ESCO2: variants seen among roughly 807,000 people sequenced by gnomAD.
The protein encoded by ESCO2 is establishment of sister chromatid cohesion N-acetyltransferase 2, also known as N-acetyltransferase ESCO2.
In ESCO2, 51 loss-of-function variants were observed where a neutral mutation model predicts 61.7. That is an observed-to-expected ratio of 0.83 (90% confidence interval 0.66 to 1.04). ESCO2 has a LOEUF of 1.04. ESCO2 is among the 50% of genes least tolerant of loss of function. The pLI is 0.00. For missense variants in ESCO2, 692 were observed against 686.2 expected (o/e 1.01, Z -0.09); for synonymous variants, 230 against 238.2 (o/e 0.97, Z 0.32).
chr8:27,783,920 T>C, intron 4 of ESCO2, 80 bp from the exon 5 acceptor site: 1 of 1,279,192 alleles, frequency 7.8e-7, no homozygotes, highest in Non-Finnish European at 1.1e-6. Flanking sequence ...TTATTTTGTC[T>C]TATTAACCTT....
chr8:27,791,950 T>A lies in ESCO2; in HGVS notation c.1264-13T>A. ...ACAAATTAAACTGTGACCCTTTTGT[T>A]TTCCTTTGGCAGGGTTGGAAGAAAG... On this transcript the variant is annotated splice_polypyrimidine_tract_variant and intron_variant, in intron 7 of 10. Coordinates refer to ENST00000305188, the MANE Select transcript of ESCO2 (RefSeq NM_001017420.3). 6.2e-7 allele frequency: 1 copy of A among 1,613,826 alleles called. No homozygotes were observed. Among genetic ancestry groups the A allele is most frequent in the Non-Finnish European group, 8.5e-7 (1 of 1,179,730 alleles).
intron 9 of ESCO2, 37 bp from the exon 10 acceptor site, chr8:27,799,504 T>C (rs774124394): frequency 4.5e-5 from 72 of 1,609,352 alleles, no homozygotes; most frequent in Non-Finnish European, 6.0e-5. Flanking sequence ...AACTCATCTG[T>C]GGTGTTAGCT....
chr8:27,819,647 A>G, the ESCO2 span, among the ~76,000 whole-genome samples: 4 of 152,140 alleles, frequency 2.6e-5, no homozygotes, highest in African/African-American at 7.2e-5. Flanking sequence ...AATAAATATT[A>G]TGGTGCAGAG....
At chr8:27,783,815 A>T (rs907943102) in intron 4 of ESCO2, among the ~76,000 whole-genome samples, 185 bp from the exon 5 acceptor site, 2 of 152,166 alleles carry the variant, frequency 1.3e-5, no homozygotes, top group African/African-American at 4.8e-5. Context: ...ATTTTTTTGC[A>T]TGTGGACATT....
chr8:27,773,890 T>C (rs1042843887), upstream of ESCO2: 7 of 152,248 alleles, frequency 4.6e-5, no homozygotes, highest in Non-Finnish European at 7.3e-5. Flanking sequence ...AGTAAGAATT[T>C]AGCTCTGTTC....
At chr8:27,814,760 GTTAT>G (rs1163829240), downstream of ESCO2, among the ~76,000 whole-genome samples, 2 of 151,952 alleles carry the variant, frequency 1.3e-5, no homozygotes, top group Non-Finnish European at 2.9e-5. Flanking sequence ...TGACCCATAG[GTTAT>G]TTAAATTTGT....
chr8:27,800,967 T>C (rs966360127), intron 10 of ESCO2, among the ~76,000 whole-genome samples: 2 of 152,174 alleles, frequency 1.3e-5, no homozygotes, highest in Admixed American at 6.5e-5. Flanking sequence ...CAACTAATAA[T>C]GAGTACGGGG....
intron 2 of ESCO2, 62 bp downstream of exon 2, chr8:27,775,629 TCTC>T: frequency 1.3e-6 from 2 of 1,567,320 alleles, no homozygotes; most frequent in Non-Finnish European, 1.8e-6. Flanking sequence ...TCTCTTGTTC[TCTC>T]CTATTTTCTA....
Position 27,799,682 on chromosome 8 carries a change from A to C in ESCO2, c.1639A>C (p.Lys547Gln). The part of the protein sequence containing the change: ...RIWVFRLKRR[K>Q]RIARRLVDTL... ...CTGGGTTTTCAGACTGAAGAGAAGA[A>C]AGCGCATTGCAAGACGACTGGTTGA... is the stretch of plus-strand genomic sequence containing the variant. Residue 547 changes from lysine to glutamine, a missense_variant, in exon 10 of 11, where the codon AAG (lysine) becomes CAG (glutamine). By Grantham distance (53) the Lys-to-Gln change is moderately conservative. Coordinates refer to ENST00000305188, the MANE Select transcript of ESCO2 (RefSeq NM_001017420.3). 1 of 1,613,998 alleles carries C rather than the reference A, an allele frequency of 6.2e-7. No homozygotes were observed. The highest frequency in any genetic ancestry group is 1.7e-5 in the Admixed American group (1 of 59,986).
downstream of ESCO2, chr8:27,810,525 C>T (rs2128960664): frequency 1.0e-5 from 15 of 1,437,870 alleles, no homozygotes; most frequent in Non-Finnish European, 1.5e-5. Flanking sequence ...GAGATTGAAA[C>T]AATAAACAAA....
At position 27,803,522 on chromosome 8, in the gene ESCO2, A is replaced by G. The variant is rs1305611741; in HGVS notation, c.*84A>G. On this transcript the variant is annotated 3_prime_UTR_variant, in exon 11 of 11. Transcript: ENST00000305188. ...TAAAATACAAACTATTTAATATCAA[A>G]ATAAAAAATACCGAGACTCACACTC... 2 of 1,549,730 alleles carry G rather than the reference A, an allele frequency of 1.3e-6. No homozygotes were observed. Among genetic ancestry groups the G allele is most frequent in the Non-Finnish European group, 1.7e-6 (2 of 1,151,582 alleles).
chr8:27,797,724 G>A (rs544452129), intron 9 of ESCO2, among the ~76,000 whole-genome samples: 3 of 152,000 alleles, frequency 2.0e-5, no homozygotes, highest in South Asian at 2.1e-4. Flanking sequence ...ATAGGTTTTC[G>A]CTTTATGGTC....
intron 7 of ESCO2, among the ~76,000 whole-genome samples, chr8:27,789,894 C>T (rs973710149): frequency 1.3e-5 from 2 of 151,956 alleles, no homozygotes; most frequent in African/African-American, 4.8e-5. Context: ...TGGCCTCAAC[C>T]TTTCCTATAT....
chr8:27,804,285 T>C lies in ESCO2; in HGVS notation c.*847T>C. 1 of 985,408 alleles carries C rather than the reference T, an allele frequency of 1.0e-6. No homozygotes were observed. Among genetic ancestry groups the C allele is most frequent in the Non-Finnish European group, 1.2e-6 (1 of 829,888 alleles). 61.0% of individuals were successfully genotyped at this position (985,408 alleles called of 1,614,324 possible). On this transcript the variant is annotated 3_prime_UTR_variant, in exon 11 of 11. Transcript: ENST00000305188. The stretch of plus-strand genomic sequence containing the variant: ...ACTATTACTTAGTTAATTTTTGTTG[T>C]ATGGAAATATTGGTAGTACTACTTT...
chr8:27,788,530 T>A (rs928562268), intron 6 of ESCO2, among the ~76,000 whole-genome samples: 5 of 121,648 alleles, frequency 4.1e-5, no homozygotes, highest in African/African-American at 6.0e-5. Context: ...TCTCTTTTTT[T>A]TCCCCCCCCA....
At chr8:27,810,502 C>T, downstream of ESCO2, 1 of 1,584,684 alleles carries the variant, frequency 6.3e-7, no homozygotes. Context: ...AAAGTTTTAT[C>T]TTGAAGGAGT....
intron 7 of ESCO2, among the ~76,000 whole-genome samples, chr8:27,789,270 T>C (rs1805120348): frequency 6.6e-6 from 1 of 152,196 alleles, no homozygotes; most frequent in African/African-American, 2.4e-5. Context: ...CCAGGTTTTT[T>C]CTGAGAGGAG....
intron 4 of ESCO2, 105 bp downstream of exon 4, chr8:27,780,372 C>A: frequency 1.3e-6 from 1 of 767,476 alleles, no homozygotes; most frequent in Non-Finnish European, 2.2e-6. Flanking sequence ...TTTTCAGTAG[C>A]GTGCCTGTGG....
At chr8:27,778,465 T>C (rs534345346) in intron 3 of ESCO2, 3 of 152,358 alleles carry the variant, frequency 2.0e-5, no homozygotes, top group African/African-American at 7.2e-5. Flanking sequence ...GATAGGGATT[T>C]TGATTACAAG....
Sources: gnomAD v4.1 joint callset for allele counts (sites outside exome capture counted in the v4.1 genomes callset) on GRCh38, gnomAD v4.1.1 for gene constraint, MANE v1.5 for transcripts, NCBI Gene and HGNC (gene_info 2026-07-23, HGNC 2026-07-21) for gene names.